The following CNTNAP2 variants were observed in gnomAD, a reference collection of about 807,000 sequenced individuals.
CNTNAP2 encodes the protein contactin associated protein 2, also known as contactin-associated protein-like 2.
CNTNAP2 carries 98 observed loss-of-function variants against 155.2 expected under a neutral mutation model. That is an observed-to-expected ratio of 0.63 (90% CI 0.54 to 0.75). CNTNAP2 has a LOEUF of 0.75. Among genes scored for constraint, CNTNAP2 ranks in the 30% least tolerant of loss-of-function variants. The pLI, the probability that CNTNAP2 is intolerant of heterozygous loss-of-function variation, is 0.00. For missense variants in CNTNAP2, 1,727 were observed against 1,688.1 expected (o/e 1.02, Z -0.40); for synonymous variants, 651 against 631.2 (o/e 1.03, Z -0.47).
chr7:147,067,164 A>G (rs1014609848), intron 4 of CNTNAP2, among the ~76,000 whole-genome samples: 2 of 152,012 alleles, frequency 1.3e-5, no homozygotes, highest in Admixed American at 6.6e-5. Context: ...GGTGGCACAC[A>G]CCTGTAATCT....
intron 3 of CNTNAP2, among the ~76,000 whole-genome samples, chr7:146,934,886 A>G (rs991304266): frequency 6.6e-6 from 1 of 152,190 alleles, no homozygotes; most frequent in African/African-American, 2.4e-5. Flanking sequence ...TGCCATGTAA[A>G]CAGTGACCAT....
chr7:146,861,401 A>G (rs1795097183), intron 3 of CNTNAP2, among the ~76,000 whole-genome samples: 1 of 152,166 alleles, frequency 6.6e-6, no homozygotes, highest in Non-Finnish European at 1.5e-5. Context: ...TTACAATTAC[A>G]ATGAACTGAT....
At chr7:147,165,350 G>T (rs993996911) in intron 8 of CNTNAP2, among the ~76,000 whole-genome samples, 14 of 150,576 alleles carry the variant, frequency 9.3e-5, no homozygotes, top group African/African-American at 3.2e-4. Context: ...GGGATTGTTG[G>T]TTTTTTTTTC....
At chr7:147,426,478 G>A in intron 10 of CNTNAP2, among the ~76,000 whole-genome samples, 1 of 152,054 alleles carries the variant, frequency 6.6e-6, no homozygotes, top group Non-Finnish European at 1.5e-5. Flanking sequence ...CAGTCAAAAT[G>A]TTTAATAATT....
chr7:146,930,362 A>G (rs1356069403), intron 3 of CNTNAP2, among the ~76,000 whole-genome samples: 2 of 152,090 alleles, frequency 1.3e-5, no homozygotes, highest in Admixed American at 1.3e-4. Flanking sequence ...AAGGAGAAAT[A>G]AAATCCTTTA....
At chr7:147,394,284 A>G (rs890094393) in intron 9 of CNTNAP2, among the ~76,000 whole-genome samples, 4 of 151,990 alleles carry the variant, frequency 2.6e-5, no homozygotes, top group African/African-American at 9.7e-5. Context: ...CTCAACTGTG[A>G]GTCAATTAAA....
rs943013940 is a variant in CNTNAP2 at position 146,441,305 on chromosome 7, TG to T, written c.97+324338del. ...TCTGGGTTGGCAAAATAAAATTTTT[TG>T]GGGGGTTTGTGACTAAGTTTCAGAG... On this transcript the variant is annotated intron_variant, in intron 1 of 23. Coordinates refer to ENST00000361727, the MANE Select transcript of CNTNAP2 (RefSeq NM_014141.6). Among the ~76,000 whole-genome samples, 143 of 151,650 alleles carry T rather than the reference TG, an allele frequency of 9.4e-4. 7 individuals carry two copies. The highest frequency in any genetic ancestry group is 3.4e-3 in the African/African-American group (139 of 40,964).
chr7:146,772,500 T>TAAA (rs1802310065), intron 1 of CNTNAP2, among the ~76,000 whole-genome samples: 2 of 59,958 alleles, frequency 3.3e-5, no homozygotes, highest in African/African-American at 2.3e-4. Flanking sequence ...CTACTGAAAA[T>TAAA]ACAAAAAAAA....
intron 18 of CNTNAP2, among the ~76,000 whole-genome samples, chr7:148,192,406 A>G (rs1795212577): frequency 6.6e-6 from 1 of 152,208 alleles, no homozygotes; most frequent in Admixed American, 6.5e-5. Flanking sequence ...CAACATTCAT[A>G]AAAACTGATC....
chr7:147,096,946 CAT>C (rs1491151199), intron 4 of CNTNAP2, among the ~76,000 whole-genome samples: 3 of 152,178 alleles, frequency 2.0e-5, no homozygotes, highest in African/African-American at 7.2e-5. Context: ...TATCTCACAA[CAT>C]GTGTACCTTT....
At chr7:147,872,701 G>GA (rs533977566) in intron 13 of CNTNAP2, among the ~76,000 whole-genome samples, 63 of 151,840 alleles carry the variant, frequency 4.1e-4, no homozygotes, top group Non-Finnish European at 7.5e-4. Flanking sequence ...TTAAGAATTA[G>GA]AAAAAAAACC....
chr7:147,595,249 G>C (rs1359164847), intron 12 of CNTNAP2, among the ~76,000 whole-genome samples: 1 of 152,134 alleles, frequency 6.6e-6, no homozygotes, highest in Admixed American at 6.6e-5. Flanking sequence ...AACTTTTTAT[G>C]AATTCCCTTC....
chr7:146,147,879 C>T (rs1293938300), intron 1 of CNTNAP2, among the ~76,000 whole-genome samples: 1 of 151,978 alleles, frequency 6.6e-6, no homozygotes, highest in Non-Finnish European at 1.5e-5. Context: ...TTTGCTAAAC[C>T]AGGCCATTTT....
chr7:147,625,179 C>A (rs1794945403), intron 12 of CNTNAP2, among the ~76,000 whole-genome samples: 1 of 152,074 alleles, frequency 6.6e-6, no homozygotes, highest in Non-Finnish European at 1.5e-5. Flanking sequence ...GTAAGACCTA[C>A]TATTAGGTAG....
intron 13 of CNTNAP2, among the ~76,000 whole-genome samples, chr7:147,902,059 AG>A (rs1799878480): frequency 1.3e-5 from 2 of 152,368 alleles, no homozygotes; most frequent in South Asian, 4.1e-4. Flanking sequence ...TTCACAAAAA[AG>A]CATGACCAGT....
At chr7:148,055,163 T>C (rs1330617689) in intron 15 of CNTNAP2, among the ~76,000 whole-genome samples, 4 of 152,106 alleles carry the variant, frequency 2.6e-5, no homozygotes, top group Admixed American at 2.6e-4. Context: ...GGATTATAGG[T>C]GTGAGCCACC....
chr7:146,329,202 C>G (rs1267766168), intron 1 of CNTNAP2, among the ~76,000 whole-genome samples: 1 of 152,162 alleles, frequency 6.6e-6, no homozygotes, highest in Non-Finnish European at 1.5e-5. Context: ...GTGTGAGGTT[C>G]TATCACATTG....
chr7:148,246,647 G>GCC (rs1796267870), intron 20 of CNTNAP2, among the ~76,000 whole-genome samples: 1 of 152,140 alleles, frequency 6.6e-6, no homozygotes, highest in South Asian at 2.1e-4. Flanking sequence ...GACCCATAAA[G>GCC]CCCTTAACTT....
chr7:147,004,124 G>A (rs1443227532), intron 3 of CNTNAP2, among the ~76,000 whole-genome samples: 1 of 148,898 alleles, frequency 6.7e-6, no homozygotes, highest in Non-Finnish European at 1.5e-5. Context: ...GATATTTGGC[G>A]AGGAAATATA....
Sources: gnomAD v4.1 joint callset for allele counts (sites outside exome capture counted in the v4.1 genomes callset) on GRCh38, gnomAD v4.1.1 for gene constraint, MANE v1.5 for transcripts, NCBI Gene and HGNC (gene_info 2026-07-23, HGNC 2026-07-21) for gene names.